SAMD4A: variants seen among roughly 807,000 people sequenced by gnomAD.
SAMD4A encodes protein Smaug homolog 1.
Under a neutral mutation model 81.3 loss-of-function variants are expected in SAMD4A, and 33 were observed. The ratio of observed to expected loss-of-function variants is 0.41; its 90% CI spans 0.31 to 0.54. SAMD4A has a LOEUF of 0.54. Among genes scored for constraint, SAMD4A ranks in the 20% least tolerant of loss-of-function variants. SAMD4A has a pLI of 0.37. For missense variants in SAMD4A, 854 were observed against 951.1 expected, an observed-to-expected ratio of 0.90 and a Z score of 1.34; for synonymous variants, 389 against 382.1, an observed-to-expected ratio of 1.02 and a Z score of -0.21.
intron 2 of SAMD4A, among the ~76,000 whole-genome samples, chr14:54,588,633 A>G (rs1566535005): frequency 6.6e-6 from 1 of 152,184 alleles, no homozygotes. Context: ...AAAACAAACA[A>G]AAGAAACCCT....
intron 2 of SAMD4A, chr14:54,685,555 G>A (rs372800006): frequency 2.0e-5 from 8 of 391,328 alleles, no homozygotes; most frequent in Middle Eastern, 8.5e-4. Context: ...TAATGCTACT[G>A]TGAACATTGG....
At chr14:54,771,360 G>C (rs1261931759) in intron 9 of SAMD4A, among the ~76,000 whole-genome samples, 3 of 152,222 alleles carry the variant, frequency 2.0e-5, no homozygotes, top group African/African-American at 2.4e-5. Flanking sequence ...TTACAGACAA[G>C]TTCATAGGCA....
At chr14:54,728,525 T>C (rs556014595) in intron 3 of SAMD4A, among the ~76,000 whole-genome samples, 1 of 152,238 alleles carries the variant, frequency 6.6e-6, no homozygotes, top group Non-Finnish European at 1.5e-5. Flanking sequence ...ATTAGTAGTG[T>C]AAACTCAAAT....
At chr14:54,752,494 G>C (rs1028616) in intron 6 of SAMD4A, among the ~76,000 whole-genome samples, 62,621 of 152,092 alleles carry the variant, frequency 0.41, 14,243 homozygotes, top group Non-Finnish European at 0.53. Flanking sequence ...GAAGGGAACA[G>C]AGTATTGAGG....
In SAMD4A at chr14:54,751,547, C is replaced by T. The variant is rs903170526; in HGVS notation, c.1176+10C>T. 6.5e-6 allele frequency: 10 copies of T among 1,536,126 alleles called. No individual in the cohort carries two copies. The highest frequency in any genetic ancestry group is 1.7e-4 in the Middle Eastern group (1 of 5,920). On this transcript the variant is annotated intron_variant, in intron 6 of 12. Transcript: ENST00000554335. ...GAAGTCTTTGGAAAGGGTAAGTTAT[C>T]GGATGAGGGAACATTTCCACTTTCA...
rs373250589 is a variant in SAMD4A, at chr14:54,684,615, C to G, written c.197-17447C>G. ...TTTCCATTGGCCAGACACCCCCGCC[C>G]CCCCCCCCAACCAGAAACGGGAAAC... On this transcript the variant is annotated intron_variant, in intron 2 of 12. Coordinates refer to ENST00000554335, the MANE Select transcript of SAMD4A (RefSeq NM_015589.6). Among the ~76,000 whole-genome samples the G allele has an allele frequency of 5.8e-5, 4 of 69,334 alleles. No individual in the cohort carries two copies. The East Asian group carries it at 1.6e-3, about 28-fold the overall frequency. 45.5% of individuals were successfully genotyped at this position (69,334 alleles called of 152,430 possible).
At chr14:54,743,902 T>C (rs2037904026) in intron 4 of SAMD4A, among the ~76,000 whole-genome samples, 1 of 152,230 alleles carries the variant, frequency 6.6e-6, no homozygotes, top group African/African-American at 2.4e-5. Flanking sequence ...TTCTGTAACC[T>C]TGACAGTGCT....
At chr14:54,738,764 A>G (rs898224283) in intron 4 of SAMD4A, among the ~76,000 whole-genome samples, 8 of 152,204 alleles carry the variant, frequency 5.3e-5, no homozygotes, top group African/African-American at 1.7e-4. Flanking sequence ...GCATCTGTCA[A>G]TCGGCATCAA....
chr14:54,627,422 T>G (rs2034792474), intron 2 of SAMD4A, among the ~76,000 whole-genome samples: 1 of 152,238 alleles, frequency 6.6e-6, no homozygotes, highest in Admixed American at 6.5e-5. Flanking sequence ...TTTAGCCCAT[T>G]CATTAGATGA....
chr14:54,736,892 A>T, intron 3 of SAMD4A, 132 bp from the exon 4 acceptor site: 2 of 1,056,972 alleles, frequency 1.9e-6, no homozygotes, highest in Non-Finnish European at 2.8e-6. Context: ...CCTGTATTCA[A>T]CCTGCTGTGA....
chr14:54,731,514 G>A (rs960863697), intron 3 of SAMD4A, among the ~76,000 whole-genome samples: 4 of 152,208 alleles, frequency 2.6e-5, no homozygotes, highest in African/African-American at 9.7e-5. Flanking sequence ...TTAAAATAAT[G>A]TGCAAACACT....
intron 2 of SAMD4A, among the ~76,000 whole-genome samples, chr14:54,657,102 G>A (rs2035537992): frequency 2.0e-5 from 3 of 152,086 alleles, no homozygotes; most frequent in Admixed American, 2.0e-4. Flanking sequence ...CTGTAGATAT[G>A]TCTAACACCT....
chr14:54,675,600 C>G (rs1290793286), intron 2 of SAMD4A, among the ~76,000 whole-genome samples: 2 of 152,144 alleles, frequency 1.3e-5, no homozygotes, highest in Non-Finnish European at 2.9e-5. Flanking sequence ...GATTTAGGAA[C>G]TGTGTGATTT....
At chr14:54,785,543 C>T (rs2039117952) in intron 12 of SAMD4A, among the ~76,000 whole-genome samples, 1 of 152,146 alleles carries the variant, frequency 6.6e-6, no homozygotes, top group African/African-American at 2.4e-5. Flanking sequence ...TTGCTCTTAG[C>T]CAAAAGGCCG....
intron 2 of SAMD4A, among the ~76,000 whole-genome samples, chr14:54,698,266 TTATAAC>T (rs557976097): frequency 5.3e-5 from 8 of 152,278 alleles, no homozygotes; most frequent in African/African-American, 1.7e-4. Flanking sequence ...TATATAATGT[TTATAAC>T]TATTACATAT....
intron 2 of SAMD4A, among the ~76,000 whole-genome samples, chr14:54,686,655 CG>C (rs2036278971): frequency 6.6e-6 from 1 of 151,140 alleles, no homozygotes; most frequent in African/African-American, 2.4e-5. Context: ...AAAAAGAAAA[CG>C]GATGCTTTAT....
intron 2 of SAMD4A, among the ~76,000 whole-genome samples, chr14:54,576,922 C>T (rs1490435638): frequency 6.6e-6 from 1 of 152,222 alleles, no homozygotes; most frequent in East Asian, 1.9e-4. Flanking sequence ...TGGAATGTGA[C>T]TTAGCCTGGG....
Position 54,568,056 on chromosome 14 carries a change from A to G in SAMD4A, c.140A>G (p.His47Arg), listed in dbSNP as rs373603702. 5.1e-5 allele frequency: 81 copies of G among 1,593,662 alleles called. No homozygotes were observed. The highest frequency in any genetic ancestry group is 6.2e-5 in the Non-Finnish European group (73 of 1,176,188). Residue 47 changes from histidine to arginine, a missense_variant, in exon 2 of 13, where the codon CAC (histidine) becomes CGC (arginine). His to Arg is a conservative substitution (Grantham distance 29). Around this residue, in one of 3 missense-constraint regions of SAMD4A, gnomAD observed 387 missense variants for 405.8 expected, o/e 0.95. Coordinates refer to ENST00000554335, the MANE Select transcript of SAMD4A (RefSeq NM_015589.6). Reference sequence around the variant, plus strand: ...CGCTTCCTCCAGCTCTGCCTGGAGCACTCGCTGGCCGACTGCGCCGAGCTG... The same window carrying G: ...CGCTTCCTCCAGCTCTGCCTGGAGCGCTCGCTGGCCGACTGCGCCGAGCTG... ...QARFLQLCLE[H>R]SLADCAELHV...
chr14:54,721,042 G>A (rs962226143), intron 3 of SAMD4A, among the ~76,000 whole-genome samples: 4 of 152,196 alleles, frequency 2.6e-5, no homozygotes, highest in South Asian at 2.1e-4. Flanking sequence ...CTTTGTCCTC[G>A]TGAGTTTGTG....
Sources: allele counts gnomAD v4.1 joint callset (sites outside exome capture counted in the v4.1 genomes callset), GRCh38; gene constraint gnomAD v4.1.1; regional missense constraint gnomAD v4.1.1; transcripts MANE v1.5; gene names NCBI Gene and HGNC (gene_info 2026-07-23, HGNC 2026-07-21).